FILIP1: variants seen among roughly 807,000 people sequenced by gnomAD.
The protein encoded by FILIP1 is filamin-A-interacting protein 1.
A neutral mutation model predicts 102.1 loss-of-function variants in FILIP1; 61 were observed. That is an observed-to-expected ratio of 0.60 (90% CI 0.49 to 0.74). The LOEUF (loss-of-function observed/expected upper bound fraction) is 0.74, where lower values mean the gene tolerates loss of function less well. Among genes scored for constraint, FILIP1 ranks in the 30% least tolerant of loss-of-function variants. The pLI is 0.00. For missense variants in FILIP1, 1,314 were observed against 1,441.2 expected (o/e 0.91, Z 1.43); for synonymous variants, 491 against 526.9 (o/e 0.93, Z 0.93).
chr6:75,393,710 C>T (rs1776360061), intron 2 of FILIP1, among the ~76,000 whole-genome samples: 1 of 152,172 alleles, frequency 6.6e-6, no homozygotes, highest in African/African-American at 2.4e-5. Context: ...CATTATCTCT[C>T]AGTTACGAAA....
chr6:75,364,453 G>C (rs922423080), intron 2 of FILIP1, among the ~76,000 whole-genome samples: 1 of 152,184 alleles, frequency 6.6e-6, no homozygotes, highest in South Asian at 2.1e-4. Flanking sequence ...AGGCACCATT[G>C]TACAAGGCAT....
intron 1 of FILIP1, among the ~76,000 whole-genome samples, chr6:75,492,313 T>C (rs1779985562): frequency 6.6e-6 from 1 of 152,180 alleles, no homozygotes; most frequent in African/African-American, 2.4e-5. Context: ...AAATAATATG[T>C]TAAAAACTGG....
intron 4 of FILIP1, among the ~76,000 whole-genome samples, chr6:75,341,818 C>T (rs1461818354): frequency 6.6e-6 from 1 of 152,174 alleles, no homozygotes; most frequent in Non-Finnish European, 1.5e-5. Flanking sequence ...GAAGAGTTTA[C>T]TTTTCCTACA....
intron 1 of FILIP1, among the ~76,000 whole-genome samples, chr6:75,449,915 T>C (rs979831260): frequency 1.3e-5 from 2 of 152,106 alleles, no homozygotes; most frequent in African/African-American, 2.4e-5. Flanking sequence ...TATGTTGATA[T>C]ATCTGATTAT....
At chr6:75,409,793 C>T (rs1473103979) in intron 2 of FILIP1, among the ~76,000 whole-genome samples, 4 of 152,144 alleles carry the variant, frequency 2.6e-5, no homozygotes, top group Non-Finnish European at 5.9e-5. Flanking sequence ...ATTCTGGCAA[C>T]TGACTGACCC....
rs545129325 is a variant in FILIP1 at position 75,351,224 on chromosome 6, C to T, written c.629+2315G>A. Among the ~76,000 whole-genome samples, 33 of 152,170 alleles carry T rather than the reference C, an allele frequency of 2.2e-4. 1 individual carries two copies. The South Asian group carries it at 6.4e-3, about 30-fold the overall frequency. ...GATTACAGGTGCACACCACCATGCC[C>T]GGCTAATTTTTGTATTTTTAGTAGA... On this transcript the variant is annotated intron_variant, in intron 4 of 5. Transcript: ENST00000237172.
intron 1 of FILIP1, chr6:75,428,505 C>A (rs1777710087): frequency 6.5e-6 from 1 of 154,300 alleles, no homozygotes; most frequent in African/African-American, 2.4e-5. Context: ...GATGCTGATG[C>A]TGTTAGTCCC....
chr6:75,293,459 TTAATC>T (rs557034181), exon 7 of FILIP1: 48 of 152,322 alleles, frequency 3.2e-4, no homozygotes, highest in African/African-American at 1.0e-3. Flanking sequence ...TATTTCAAAA[TTAATC>T]TAATTAATTT....
At chr6:75,307,577 T>G (rs565468897), downstream of FILIP1, among the ~76,000 whole-genome samples, 1 of 152,280 alleles carries the variant, frequency 6.6e-6, no homozygotes, top group Non-Finnish European at 1.5e-5. Flanking sequence ...AAACACAAAG[T>G]CCACCTTAAC....
At chr6:75,332,113 C>G (rs1562469274) in intron 4 of FILIP1, among the ~76,000 whole-genome samples, 1 of 152,140 alleles carries the variant, frequency 6.6e-6, no homozygotes, top group Non-Finnish European at 1.5e-5. Flanking sequence ...ATCAGCCACC[C>G]AGCCTATGGT....
At chr6:75,336,645 T>C (rs1774252459) in intron 4 of FILIP1, among the ~76,000 whole-genome samples, 1 of 152,146 alleles carries the variant, frequency 6.6e-6, no homozygotes, top group African/African-American at 2.4e-5. Flanking sequence ...CCATATTAAA[T>C]CAATATTTAG....
intron 2 of FILIP1, among the ~76,000 whole-genome samples, chr6:75,393,127 C>G (rs963775019): frequency 6.6e-6 from 1 of 152,118 alleles, no homozygotes; most frequent in Non-Finnish European, 1.5e-5. Context: ...GACTCAGAAA[C>G]AGGGAAGTAA....
chr6:75,298,466 A>G (rs1169646460), intron 6 of FILIP1, among the ~76,000 whole-genome samples: 1 of 152,186 alleles, frequency 6.6e-6, no homozygotes, highest in African/African-American at 2.4e-5. Flanking sequence ...AGATAGTGAG[A>G]TAAAATCTGT....
chr6:75,329,991 A>G (rs1431979872), intron 4 of FILIP1, among the ~76,000 whole-genome samples: 2 of 152,166 alleles, frequency 1.3e-5, no homozygotes, highest in African/African-American at 4.8e-5. Flanking sequence ...TATTATAGTT[A>G]TCCAGAATTA....
At chr6:75,465,534 A>C (rs1449870658) in intron 1 of FILIP1, 5 of 676,868 alleles carry the variant, frequency 7.4e-6, no homozygotes, top group Non-Finnish European at 1.3e-5. Context: ...AAAATATGAA[A>C]CTCCTTCAGC....
intron 1 of FILIP1, among the ~76,000 whole-genome samples, chr6:75,472,008 A>C (rs928131812): frequency 1.3e-5 from 2 of 152,034 alleles, no homozygotes; most frequent in Non-Finnish European, 2.9e-5. Context: ...TTATAAGGAG[A>C]CTCTATTACT....
At chr6:75,306,349 G>A (rs1582310970), downstream of FILIP1, among the ~76,000 whole-genome samples, 1 of 152,318 alleles carries the variant, frequency 6.6e-6, no homozygotes, top group East Asian at 1.9e-4. Context: ...TAAGCATGAT[G>A]TGAGAAGGTA....
At position 75,377,966 on chromosome 6, in the gene FILIP1, G is replaced by A. The variant is rs1775797380; in HGVS notation, c.277-15049C>T. On this transcript the variant is annotated intron_variant, in intron 2 of 5. Coordinates refer to ENST00000237172, the MANE Select transcript of FILIP1 (RefSeq NM_015687.5). ...CCTCATTATTCACAGTAGTAGTTAT[G>A]TTCTATAAAGTTGCCACAAACATGA... Among the ~76,000 whole-genome samples, 3 of 152,322 alleles carry A rather than the reference G, an allele frequency of 2.0e-5. No homozygotes were observed. The South Asian group carries it at 6.2e-4, about 32-fold the overall frequency.
chr6:75,466,675 A>C (rs1404337110), intron 1 of FILIP1, among the ~76,000 whole-genome samples: 1 of 152,222 alleles, frequency 6.6e-6, no homozygotes, highest in Non-Finnish European at 1.5e-5. Flanking sequence ...ACCTAGATTA[A>C]GAGATCAACT....
Sources: gnomAD v4.1 joint callset for allele counts (sites outside exome capture counted in the v4.1 genomes callset) on GRCh38, gnomAD v4.1.1 for gene constraint, MANE v1.5 for transcripts, NCBI Gene and HGNC (gene_info 2026-07-23, HGNC 2026-07-21) for gene names.